PCNX1: variants seen among roughly 807,000 people sequenced by gnomAD.
PCNX1 encodes pecanex-like protein 1.
In PCNX1, 78 loss-of-function variants were observed where a neutral mutation model predicts 242.2. The observed-to-expected ratio is 0.32, with a 90% CI of 0.27 to 0.39. PCNX1 has a LOEUF of 0.39. PCNX1 is among the 10% of genes least tolerant of loss of function. The pLI, the probability that PCNX1 is intolerant of heterozygous loss-of-function variation, is 1.00. For synonymous variants in PCNX1, 1,024 were observed against 1,032.9 expected, an observed-to-expected ratio of 0.99 and a Z score of 0.17; for missense variants, 2,581 against 2,856.5, an observed-to-expected ratio of 0.90 and a Z score of 2.20.
rs146468457 is a variant in PCNX1, at chr14:71,066,927, G to T, written c.4853-6618G>T. Among the ~76,000 whole-genome samples, 1,212 of 152,278 alleles carry T rather than the reference G, an allele frequency of 8.0e-3. 10 individuals carry two copies. Among genetic ancestry groups the T allele is most frequent in the Middle Eastern group, 0.024 (7 of 294 alleles). On this transcript the variant is annotated intron_variant, in intron 26 of 35. Coordinates refer to ENST00000304743, the MANE Select transcript of PCNX1 (RefSeq NM_014982.3). The stretch of plus-strand genomic sequence containing the variant: ...GGATTACGTTTATTGATTTGCGTAT[G>T]TTGAACCAGCCTTGCATCCCAGGGA...
chr14:70,916,792 G>C (rs964384747), intron 1 of PCNX1, among the ~76,000 whole-genome samples: 1 of 152,204 alleles, frequency 6.6e-6, no homozygotes, highest in South Asian at 2.1e-4. Context: ...CAACAATGAA[G>C]TTTGCAGCAT....
intron 2 of PCNX1, among the ~76,000 whole-genome samples, chr14:70,959,017 CA>C (rs34761560): frequency 0.16 from 12,130 of 78,116 alleles, 575 homozygotes; most frequent in Admixed American, 0.29. Context: ...CAGATAATAG[CA>C]AAAAAAAAAA....
At chr14:71,051,267 A>G (rs1257739891) in intron 23 of PCNX1, among the ~76,000 whole-genome samples, 1 of 151,756 alleles carries the variant, frequency 6.6e-6, no homozygotes, top group East Asian at 1.9e-4. Context: ...TGGCCCACAG[A>G]TCATCTGAAC....
At chr14:70,996,593 A>G (rs2140345562) in intron 8 of PCNX1, among the ~76,000 whole-genome samples, 1 of 152,228 alleles carries the variant, frequency 6.6e-6, no homozygotes, top group East Asian at 1.9e-4. Context: ...TGCATTATTT[A>G]AGGGTGATAC....
chr14:71,035,983 A>T, intron 18 of PCNX1, 82 bp from the exon 19 acceptor site: 1 of 925,826 alleles, frequency 1.1e-6, no homozygotes, highest in Non-Finnish European at 1.7e-6. Context: ...ATTAATTCTT[A>T]AACTTTGCCA....
chr14:70,927,905 T>C (rs773071552), intron 1 of PCNX1, among the ~76,000 whole-genome samples: 18 of 152,176 alleles, frequency 1.2e-4, no homozygotes, highest in Non-Finnish European at 2.2e-4. Context: ...CATTCTTGTG[T>C]TAGAATTCAG....
At chr14:70,909,696 T>C (rs1465886454) in intron 1 of PCNX1, among the ~76,000 whole-genome samples, 2 of 152,182 alleles carry the variant, frequency 1.3e-5, no homozygotes, top group Non-Finnish European at 2.9e-5. Context: ...AACCAGGACA[T>C]TGAGTTTACT....
chr14:71,061,617 A>G (rs1422927638), intron 26 of PCNX1, among the ~76,000 whole-genome samples: 1 of 152,218 alleles, frequency 6.6e-6, no homozygotes, highest in Non-Finnish European at 1.5e-5. Context: ...GAAGGATTAC[A>G]TCTATGACTG....
intron 30 of PCNX1, among the ~76,000 whole-genome samples, chr14:71,097,361 C>G (rs1242254166): frequency 2.6e-5 from 4 of 152,194 alleles, no homozygotes; most frequent in South Asian, 2.1e-4. Context: ...AATGGTAGTT[C>G]TGTTTCTTTG....
Position 70,933,672 on chromosome 14 carries a change from C to A in PCNX1, c.154-13243C>A, listed in dbSNP as rs138407400. On this transcript the variant is annotated intron_variant, in intron 1 of 35. Coordinates refer to ENST00000304743, the MANE Select transcript of PCNX1 (RefSeq NM_014982.3). ...ATCCTGACTGTGCAGCCAAACTGCT[C>A]TCTAATGTCTAGTCTTGTGCCTTAG... is the stretch of plus-strand genomic sequence containing the variant. Among the ~76,000 whole-genome samples, 26 of 152,294 alleles carry A rather than the reference C, an allele frequency of 1.7e-4. No homozygotes were observed. In the East Asian group the frequency reaches 5.0e-3, roughly 29 times the overall value.
rs35289241 is a variant in PCNX1 at position 71,092,447 on chromosome 14, T to C, written c.5589+3105T>C. The stretch of plus-strand genomic sequence containing the variant: ...GAATTTAATGCCAGCAAAGGATGGC[T>C]TGATAATTTTAGAAAGAGCTTTGGC... On this transcript the variant is annotated intron_variant, in intron 30 of 35. Transcript: ENST00000304743. 4.6e-5 allele frequency: 7 copies of C among 152,302 alleles called. No homozygotes were observed. In the East Asian group the frequency reaches 1.3e-3, roughly 29 times the overall value. 9.4% of individuals were successfully genotyped at this position (152,302 alleles called of 1,614,324 possible).
At chr14:70,925,230 C>G (rs925965496) in intron 1 of PCNX1, among the ~76,000 whole-genome samples, 3 of 152,220 alleles carry the variant, frequency 2.0e-5, no homozygotes, top group Admixed American at 2.0e-4. Flanking sequence ...CTCAAGTGAT[C>G]TGCCTGCTTC....
At chr14:71,095,187 A>G (rs2141726401) in intron 30 of PCNX1, among the ~76,000 whole-genome samples, 1 of 152,276 alleles carries the variant, frequency 6.6e-6, no homozygotes, top group East Asian at 1.9e-4. Flanking sequence ...GTACTCTTTG[A>G]GGATTACATA....
rs116193309 is a variant in PCNX1, at chr14:71,018,984, T to C, written c.2997-25T>C. ...TAATTTCTTATACTTAAGATATACT[T>C]ACCCATAAGTTTTTCTGTCCGTAGA... On this transcript the variant is annotated intron_variant, in intron 11 of 35. Coordinates refer to ENST00000304743, the MANE Select transcript of PCNX1 (RefSeq NM_014982.3). 6.2e-4 allele frequency: 987 copies of C among 1,589,440 alleles called. 8 individuals carry two copies. In the African/African-American group the frequency reaches 0.012, roughly 19 times the overall value.
intron 28 of PCNX1, among the ~76,000 whole-genome samples, chr14:71,079,964 G>A (rs1274116936): frequency 6.6e-6 from 1 of 152,136 alleles, no homozygotes; most frequent in African/African-American, 2.4e-5. Context: ...TGTCCTGAAT[G>A]GTATTGCCTA....
At chr14:71,074,338 G>A (rs751928525) in intron 27 of PCNX1, among the ~76,000 whole-genome samples, 4 of 152,146 alleles carry the variant, frequency 2.6e-5, no homozygotes, top group African/African-American at 4.8e-5. Flanking sequence ...GACATCAGCT[G>A]TAATTTTGGG....
Position 70,978,405 on chromosome 14 carries a change from G to A in PCNX1, c.2068G>A (p.Val690Met). 1 of 1,614,218 alleles carries A rather than the reference G, an allele frequency of 6.2e-7. No homozygotes were observed. The highest frequency in any genetic ancestry group is 8.5e-7 in the Non-Finnish European group (1 of 1,180,040). Residue 690 changes from valine (V) to methionine (M), a missense_variant, in exon 6 of 36, where the codon GTG becomes ATG. Physicochemically the swap from Val to Met is conservative, Grantham distance 21. Around this residue, in one of 9 missense-constraint regions of PCNX1, gnomAD observed 1,204 missense variants for 1,216.7 expected, o/e 0.99. Coordinates refer to ENST00000304743, the MANE Select transcript of PCNX1 (RefSeq NM_014982.3). Reference sequence around the variant, plus strand: ...AAATAGTGCCAAGACTCGTGCCCGAGTGTTGAGCCTGGACAGTGGCACAGT... The same window carrying A: ...AAATAGTGCCAAGACTCGTGCCCGAATGTTGAGCCTGGACAGTGGCACAGT... ...STNSAKTRAR[V>M]LSLDSGTVAC...
At chr14:71,029,500 A>G (rs1481186288) in intron 16 of PCNX1, among the ~76,000 whole-genome samples, 1 of 152,118 alleles carries the variant, frequency 6.6e-6, no homozygotes, top group Non-Finnish European at 1.5e-5. Context: ...ATGCTAAACC[A>G]TTTTCTGCTT....
At chr14:70,971,715 C>T (rs1379739433) in intron 5 of PCNX1, among the ~76,000 whole-genome samples, 4 of 152,152 alleles carry the variant, frequency 2.6e-5, no homozygotes, top group Non-Finnish European at 5.9e-5. Flanking sequence ...TGAGGGCGGG[C>T]TTCTCTGAGA....
Sources: allele counts gnomAD v4.1 joint callset (sites outside exome capture counted in the v4.1 genomes callset), GRCh38; gene constraint gnomAD v4.1.1; regional missense constraint gnomAD v4.1.1; transcripts MANE v1.5; gene names NCBI Gene and HGNC (gene_info 2026-07-23, HGNC 2026-07-21).